XRCC4: variants seen among roughly 807,000 people sequenced by gnomAD.
XRCC4 encodes DNA repair protein XRCC4.
A neutral mutation model predicts 39.1 loss-of-function variants in XRCC4; 28 were observed. That is an observed-to-expected ratio of 0.72 (90% CI 0.53 to 0.98). XRCC4 has a LOEUF of 0.98. Among genes scored for constraint, XRCC4 ranks in the 50% least tolerant of loss-of-function variants. The pLI is 0.00. For synonymous variants in XRCC4, 123 were observed against 126.4 expected (o/e 0.97, Z 0.18); for missense variants, 350 against 376.4 (o/e 0.93, Z 0.58).
chr5:83,172,610 C>G (rs1319052783), intron 3 of XRCC4, among the ~76,000 whole-genome samples: 1 of 152,076 alleles, frequency 6.6e-6, no homozygotes. Flanking sequence ...ATTTTTCAGA[C>G]ATGTCACATT....
chr5:83,297,881 G>C (rs1755148529), intron 7 of XRCC4, among the ~76,000 whole-genome samples: 1 of 151,868 alleles, frequency 6.6e-6, no homozygotes, highest in African/African-American at 2.4e-5. Context: ...TCTCCACCTT[G>C]CTGCCAAAAA....
At chr5:83,154,767 T>C (rs1288684846) in intron 3 of XRCC4, among the ~76,000 whole-genome samples, 4 of 152,168 alleles carry the variant, frequency 2.6e-5, no homozygotes, top group Non-Finnish European at 4.4e-5. Flanking sequence ...ATATCTACCC[T>C]TGACAAACCT....
intron 1 of XRCC4, among the ~76,000 whole-genome samples, chr5:83,084,465 G>T (rs1745095373): frequency 6.6e-6 from 1 of 152,152 alleles, no homozygotes. Context: ...CTTGAGATTT[G>T]TGTTGCCAAA....
Position 83,126,248 on chromosome 5 carries a change from A to T in XRCC4, c.315+15045A>T, listed in dbSNP as rs370315850. Among the ~76,000 whole-genome samples the T allele has an allele frequency of 6.6e-5, 10 of 152,248 alleles. No homozygotes were observed. In the East Asian group the frequency reaches 1.9e-3, roughly 30 times the overall value. On this transcript the variant is annotated intron_variant, in intron 3 of 7. Transcript: ENST00000396027. ...ACATGTTTTGTTAGATTTATGCCTA[A>T]GTATTTCAGTCTTTTTGGCACTGTT...
At chr5:83,119,998 C>G in intron 3 of XRCC4, among the ~76,000 whole-genome samples, 1 of 62,108 alleles carries the variant, frequency 1.6e-5, no homozygotes, top group African/African-American at 6.4e-5. Context: ...CCTTGTCTCA[C>G]AAAAAAAAAA....
At chr5:83,309,755 C>CAAAAAAAAAAAA (rs10597317) in intron 7 of XRCC4, among the ~76,000 whole-genome samples, 1 of 79,052 alleles carries the variant, frequency 1.3e-5, no homozygotes, top group East Asian at 4.9e-4. Context: ...AGACCCGTCT[C>CAAAAAAAAAAAA]AAAAAAAAAA....
At chr5:83,368,265 G>A in the XRCC4 span, among the ~76,000 whole-genome samples, 8 of 152,196 alleles carry the variant, frequency 5.3e-5, no homozygotes, top group South Asian at 8.3e-4. Context: ...CTACAGTTTC[G>A]TCATCTCCAA....
chr5:83,359,472 G>A, the XRCC4 span, among the ~76,000 whole-genome samples: 1 of 152,146 alleles, frequency 6.6e-6, no homozygotes, highest in Admixed American at 6.6e-5. Context: ...AATGCTGTTA[G>A]AAGAGAGAAA....
downstream of XRCC4, among the ~76,000 whole-genome samples, chr5:83,358,554 C>T (rs1397637073): frequency 6.6e-6 from 1 of 152,082 alleles, no homozygotes; most frequent in African/African-American, 2.4e-5. Context: ...CTTGGTTCTG[C>T]AGGGAAGTAA....
chr5:83,146,698 CT>C (rs1400916747), intron 3 of XRCC4, among the ~76,000 whole-genome samples: 2 of 152,196 alleles, frequency 1.3e-5, no homozygotes, highest in Admixed American at 6.5e-5. Flanking sequence ...ATTACTTCTA[CT>C]TTTACTATAC....
the XRCC4 span, among the ~76,000 whole-genome samples, chr5:83,361,811 G>T: frequency 1.6e-4 from 24 of 151,714 alleles, no homozygotes; most frequent in African/African-American, 5.8e-4. Context: ...TAGTAGAGAT[G>T]GGGTTTCACC....
chr5:83,093,095 A>G (rs1241161050), intron 1 of XRCC4, among the ~76,000 whole-genome samples: 2 of 152,076 alleles, frequency 1.3e-5, no homozygotes, highest in Non-Finnish European at 2.9e-5. Context: ...TTGAGGACAC[A>G]TATAGACTGA....
intron 7 of XRCC4, among the ~76,000 whole-genome samples, chr5:83,287,152 G>A (rs1015052436): frequency 6.6e-6 from 1 of 151,964 alleles, no homozygotes; most frequent in African/African-American, 2.4e-5. Context: ...CTCTTACCCT[G>A]CCTTTTCACA....
At chr5:83,126,616 A>G (rs1425286059) in intron 3 of XRCC4, among the ~76,000 whole-genome samples, 3 of 152,124 alleles carry the variant, frequency 2.0e-5, no homozygotes, top group African/African-American at 7.2e-5. Context: ...TGCTACTGAG[A>G]GCCCCCTTCT....
intron 7 of XRCC4, among the ~76,000 whole-genome samples, chr5:83,341,917 TC>T (rs887428474): frequency 2.6e-5 from 4 of 151,914 alleles, no homozygotes; most frequent in Admixed American, 2.6e-4. Context: ...TAAAGCAGAG[TC>T]CCCCCAACTG....
At chr5:83,187,983 G>A (rs927309255) in intron 3 of XRCC4, among the ~76,000 whole-genome samples, 6 of 152,252 alleles carry the variant, frequency 3.9e-5, no homozygotes, top group African/African-American at 1.4e-4. Flanking sequence ...AGCAACTAGA[G>A]GGATATGGGA....
In XRCC4 at chr5:83,260,485, G is replaced by A. The variant is rs187977788; in HGVS notation, c.893+1808G>A. Among the ~76,000 whole-genome samples the A allele has an allele frequency of 3.9e-3, 600 of 152,008 alleles. 4 individuals carry two copies. The highest frequency in any genetic ancestry group is 6.4e-3 in the Non-Finnish European group (433 of 67,922). On this transcript the variant is annotated intron_variant, in intron 7 of 7. Transcript: ENST00000396027. ...GTCTGATAATGACTTAATGGTTTGC[G>A]GGAAGAAGGAAATATTGGTTTTATG...
At chr5:83,361,808 G>T in the XRCC4 span, among the ~76,000 whole-genome samples, 1 of 151,814 alleles carries the variant, frequency 6.6e-6, no homozygotes, top group African/African-American at 2.4e-5. Flanking sequence ...TTTTAGTAGA[G>T]ATGGGGTTTC....
At chr5:83,189,319 C>T (rs962811789) in intron 3 of XRCC4, among the ~76,000 whole-genome samples, 2 of 152,050 alleles carry the variant, frequency 1.3e-5, no homozygotes, top group Non-Finnish European at 2.9e-5. Context: ...CTCTGATTCC[C>T]ACTATGACTT....
Sources: allele counts gnomAD v4.1 joint callset (sites outside exome capture counted in the v4.1 genomes callset), GRCh38; gene constraint gnomAD v4.1.1; transcripts MANE v1.5; gene names NCBI Gene and HGNC (gene_info 2026-07-23, HGNC 2026-07-21).